Variants in GALNT13 observed in about 807,000 individuals in gnomAD.
The protein encoded by GALNT13 is UDP-GalNAc:polypeptide N-acetylgalactosaminyltransferase 13.
A neutral mutation model predicts 64.2 loss-of-function variants in GALNT13; 28 were observed. That is an observed-to-expected ratio of 0.44 (90% confidence interval 0.32 to 0.60). The LOEUF (loss-of-function observed/expected upper bound fraction) is 0.60. Among genes scored for constraint, GALNT13 ranks in the 20% least tolerant of loss-of-function variants. The probability of loss-of-function intolerance (pLI) is 0.05; values close to 1 mark genes in which losing one functional copy is unlikely to be tolerated. For missense variants in GALNT13, 577 were observed against 669.8 expected (o/e 0.86, Z 1.53); for synonymous variants, 214 against 224.6 (o/e 0.95, Z 0.42).
At chr2:153,973,860 C>CTTACCAAGTGAAATACAGTGTCTGGTA (rs1393628313) in intron 3 of GALNT13, among the ~76,000 whole-genome samples, 2 of 151,956 alleles carry the variant, frequency 1.3e-5, no homozygotes, top group African/African-American at 4.8e-5. Flanking sequence ...ATGATCTTGT[C>CTTACCAAGTGAAATACAGTGTCTGGTA]TTACCAAGTG....
chr2:153,929,029 G>C (rs548380777), intron 2 of GALNT13, among the ~76,000 whole-genome samples: 11 of 152,200 alleles, frequency 7.2e-5, no homozygotes, highest in African/African-American at 2.6e-4. Flanking sequence ...TCTGTTAGGA[G>C]TTTTACATAT....
chr2:154,334,518 A>G (rs530667021), intron 9 of GALNT13, among the ~76,000 whole-genome samples: 205 of 152,154 alleles, frequency 1.3e-3, no homozygotes, highest in Non-Finnish European at 2.7e-3. Flanking sequence ...CTGATCATCT[A>G]ACCTCCACTA....
At chr2:153,539,804 T>C in the GALNT13 span, among the ~76,000 whole-genome samples, 10 of 151,960 alleles carry the variant, frequency 6.6e-5, no homozygotes, top group Middle Eastern at 3.2e-3. Context: ...AGCCTTGTAG[T>C]ATAGTTTGAA....
At chr2:154,293,184 C>G (rs947803636) in intron 8 of GALNT13, among the ~76,000 whole-genome samples, 4 of 152,088 alleles carry the variant, frequency 2.6e-5, no homozygotes, top group Admixed American at 1.3e-4. Flanking sequence ...CTCAGTGATA[C>G]AAAGTAATTC....
the GALNT13 span, among the ~76,000 whole-genome samples, chr2:153,548,192 C>T: frequency 6.6e-6 from 1 of 152,094 alleles, no homozygotes; most frequent in East Asian, 1.9e-4. Flanking sequence ...AATGCAAGTT[C>T]TTATTCAGTA....
chr2:153,980,886 G>A lies in GALNT13; in HGVS notation c.142+36247G>A, dbSNP rs528443428. On this transcript the variant is annotated intron_variant, in intron 3 of 12. Coordinates refer to ENST00000392825, the MANE Select transcript of GALNT13 (RefSeq NM_052917.4). ...TCGTGAAGGTGGCTCAGAATACCTCGTATATTGAGGAGATACCTGTGTATA... is the reference window on the plus strand; with the variant it reads ...TCGTGAAGGTGGCTCAGAATACCTCATATATTGAGGAGATACCTGTGTATA... Among the ~76,000 whole-genome samples the A allele has an allele frequency of 3.9e-5, 6 of 152,214 alleles. No homozygotes were observed. In the South Asian group the frequency reaches 8.3e-4, roughly 21 times the overall value.
At chr2:154,164,651 G>C (rs1046627775) in intron 4 of GALNT13, among the ~76,000 whole-genome samples, 1 of 152,040 alleles carries the variant, frequency 6.6e-6, no homozygotes, top group Non-Finnish European at 1.5e-5. Context: ...TACTCAAAAA[G>C]TTTATTTAGC....
At chr2:153,550,053 T>G in the GALNT13 span, among the ~76,000 whole-genome samples, 1,386 of 152,266 alleles carry the variant, frequency 9.1e-3, 19 homozygotes, top group African/African-American at 0.032. Flanking sequence ...AAGAGGAAGA[T>G]ATTGACTGAA....
chr2:153,776,511 T>C, the GALNT13 span, among the ~76,000 whole-genome samples: 1 of 152,212 alleles, frequency 6.6e-6, no homozygotes. Flanking sequence ...AGCTATTAAG[T>C]TATTTTTTGT....
the GALNT13 span, among the ~76,000 whole-genome samples, chr2:153,093,059 T>C: frequency 6.6e-6 from 1 of 150,742 alleles, no homozygotes; most frequent in Admixed American, 6.6e-5. Context: ...TTTTTAATCA[T>C]GAAGAGATCT....
chr2:153,994,743 C>T (rs924407831), intron 3 of GALNT13, among the ~76,000 whole-genome samples: 14 of 151,340 alleles, frequency 9.3e-5, no homozygotes, highest in South Asian at 2.1e-4. Context: ...TCATATCCTT[C>T]GCCCACTTGT....
chr2:153,271,527 G>C, the GALNT13 span, among the ~76,000 whole-genome samples: 4 of 152,108 alleles, frequency 2.6e-5, no homozygotes, highest in African/African-American at 9.7e-5. Context: ...TTGCTACAAA[G>C]AGAATAAAAT....
the GALNT13 span, among the ~76,000 whole-genome samples, chr2:153,174,052 G>A: frequency 1.3e-5 from 2 of 152,114 alleles, no homozygotes; most frequent in African/African-American, 4.8e-5. Flanking sequence ...ATTCCCACAG[G>A]CTTGATGCTA....
chr2:153,327,714 T>G, the GALNT13 span, among the ~76,000 whole-genome samples: 1 of 152,038 alleles, frequency 6.6e-6, no homozygotes, highest in African/African-American at 2.4e-5. Flanking sequence ...TCAAGGTTCT[T>G]AGCTTCCTTG....
chr2:153,238,742 T>C, the GALNT13 span, among the ~76,000 whole-genome samples: 1 of 152,074 alleles, frequency 6.6e-6, no homozygotes, highest in African/African-American at 2.4e-5. Flanking sequence ...TAGGTTACTA[T>C]AGCTCTGCAG....
chr2:154,231,543 CT>C (rs1289299923), intron 4 of GALNT13, among the ~76,000 whole-genome samples: 1 of 151,820 alleles, frequency 6.6e-6, no homozygotes, highest in Non-Finnish European at 1.5e-5. Flanking sequence ...TTTTAAAGAA[CT>C]TCAATTAGCA....
chr2:154,313,947 G>T (rs1488734829), intron 9 of GALNT13, among the ~76,000 whole-genome samples: 1 of 151,970 alleles, frequency 6.6e-6, no homozygotes, highest in Non-Finnish European at 1.5e-5. Context: ...TGGATTGGAT[G>T]GGTCCTTATT....
the GALNT13 span, among the ~76,000 whole-genome samples, chr2:153,757,560 T>C: frequency 1.3e-5 from 2 of 152,148 alleles, no homozygotes; most frequent in African/African-American, 2.4e-5. Context: ...GGAGCCTCCA[T>C]ACAGTGTTCA....
At chr2:154,201,852 A>G (rs1367086267) in intron 4 of GALNT13, among the ~76,000 whole-genome samples, 1 of 152,036 alleles carries the variant, frequency 6.6e-6, no homozygotes, top group Admixed American at 6.6e-5. Context: ...CCCTTCACCT[A>G]AGTCCTTGTT....
Sources: allele counts gnomAD v4.1 joint callset (sites outside exome capture counted in the v4.1 genomes callset), GRCh38; gene constraint gnomAD v4.1.1; transcripts MANE v1.5; gene names NCBI Gene and HGNC (gene_info 2026-07-23, HGNC 2026-07-21).